Variants in NCAPD3 observed in about 807,000 individuals in gnomAD.
NCAPD3 encodes the protein non-SMC condensin II complex subunit D3.
Under a neutral mutation model 182.9 loss-of-function variants are expected in NCAPD3, and 105 were observed. The ratio of observed to expected loss-of-function variants is 0.57; its 90% CI spans 0.49 to 0.68. The LOEUF (loss-of-function observed/expected upper bound fraction) is 0.68, where lower values mean the gene tolerates loss of function less well. NCAPD3 is among the 30% of genes least tolerant of loss of function. The pLI is 0.00. For synonymous variants in NCAPD3, 815 were observed against 679.9 expected (o/e 1.20, Z -3.09); for missense variants, 1,944 against 1,837.0 (o/e 1.06, Z -1.07).
chr11:134,192,829 C>T lies in NCAPD3; in HGVS notation c.1905G>A (p.Val635=). The T allele has an allele frequency of 1.2e-6, 2 of 1,614,164 alleles. No individual in the cohort carries two copies. Among genetic ancestry groups the T allele is most frequent in the Non-Finnish European group, 1.7e-6 (2 of 1,179,974 alleles). ...VPVVMDCEST[V]QEKALEFLDQ... is the part of the protein sequence containing the mutation. Reference sequence around the variant, plus strand: ...CCAGGAACTCCAGGGCCTTCTCCTGCACAGTGCTCTCGCAGTCCATCACCA... The same window carrying T: ...CCAGGAACTCCAGGGCCTTCTCCTGTACAGTGCTCTCGCAGTCCATCACCA... The change falls in exon 16 of 35, where the codon GTG becomes GTA. Residue 635 remains valine (V), a synonymous_variant. Coordinates refer to ENST00000534548, the MANE Select transcript of NCAPD3 (RefSeq NM_015261.3).
rs74922140 is a variant in NCAPD3, at chr11:134,191,619, T to C, written c.2045+1070A>G. On this transcript the variant is annotated intron_variant, in intron 16 of 34. Transcript: ENST00000534548. ...ACTACTACCTTTCATTACATTAACA[T>C]GAATTAATACATAGAGCATGCATAA... is the stretch of plus-strand genomic sequence containing the variant. Among the ~76,000 whole-genome samples, 633 of 152,278 alleles carry C rather than the reference T, an allele frequency of 4.2e-3. 4 individuals are homozygous for C. The highest frequency in any genetic ancestry group is 0.015 in the African/African-American group (606 of 41,540).
chr11:134,184,377 G>A (rs1944354492), intron 19 of NCAPD3, among the ~76,000 whole-genome samples: 1 of 152,232 alleles, frequency 6.6e-6, no homozygotes, highest in Non-Finnish European at 1.5e-5. Flanking sequence ...ACAATCAACA[G>A]GAATGCTTAC....
intron 2 of NCAPD3, among the ~76,000 whole-genome samples, chr11:134,220,103 C>T (rs2136033720): frequency 6.6e-6 from 1 of 152,162 alleles, no homozygotes; most frequent in Non-Finnish European, 1.5e-5. Flanking sequence ...CGCAGATTTT[C>T]TTAAAGTTAA....
At chr11:134,190,857 C>T (rs184830065) in intron 16 of NCAPD3, among the ~76,000 whole-genome samples, 110 of 152,300 alleles carry the variant, frequency 7.2e-4, no homozygotes, top group African/African-American at 2.5e-3. Flanking sequence ...TTATTTTACC[C>T]TGTATGTTGA....
intron 24 of NCAPD3, among the ~76,000 whole-genome samples, chr11:134,171,270 CA>C (rs1424252735): frequency 6.6e-6 from 1 of 152,114 alleles, no homozygotes; most frequent in African/African-American, 2.4e-5. Flanking sequence ...AAGGGAAGAC[CA>C]GCTAAATCTG....
rs950481394 is a variant in NCAPD3 at position 134,152,147 on chromosome 11, T to C, written c.*797A>G. On this transcript the variant is annotated 3_prime_UTR_variant, in exon 35 of 35. Transcript: ENST00000534548. ...GTGCTAACAGAAGAGACTCAAGCTG[T>C]TCCCCCATCATGGGAGCAGCCCTTA... The C allele has an allele frequency of 6.6e-6, 1 of 152,266 alleles. No individual in the cohort carries two copies. The highest frequency in any genetic ancestry group is 2.4e-5 in the African/African-American group (1 of 41,470). The allele number at this position is 152,266 out of a possible 1,614,324, so 9.4% of individuals were successfully genotyped here.
Position 134,204,827 on chromosome 11 carries a change from AC to A in NCAPD3, c.1089+71del. 1 of 1,216,100 alleles carries A rather than the reference AC, an allele frequency of 8.2e-7. No homozygotes were observed. The highest frequency in any genetic ancestry group is 1.2e-6 in the Non-Finnish European group (1 of 839,440). The allele number at this position is 1,216,100 out of a possible 1,614,324, so 75.3% of individuals were successfully genotyped here. On this transcript the variant is annotated intron_variant, in intron 9 of 34. Coordinates refer to ENST00000534548, the MANE Select transcript of NCAPD3 (RefSeq NM_015261.3). The surrounding 1 kb of genome is among the most constrained non-coding windows in gnomAD (Gnocchi z 4.3). ...CCCAAGAACAAATACCCACACTCAC[AC>A]ACACACACACACATTTATCTTCACA...
chr11:134,212,185 A>C (rs1330476844), intron 3 of NCAPD3, among the ~76,000 whole-genome samples: 1 of 152,234 alleles, frequency 6.6e-6, no homozygotes, highest in Admixed American at 6.5e-5. Context: ...CTAAATGTTT[A>C]AAAATAAAAA....
rs1555122610 is a variant in NCAPD3, at chr11:134,151,844, T to TATCATCA, written c.*1099_*1100insTGATGAT. 1.9e-4 allele frequency: 29 copies of TATCATCA among 151,914 alleles called. No homozygotes were observed. Among genetic ancestry groups the TATCATCA allele is most frequent in the Middle Eastern group, 3.5e-3 (1 of 288 alleles). 9.4% of individuals were successfully genotyped at this position (151,914 alleles called of 1,614,324 possible). A position where few individuals can be genotyped will look rare whatever the true frequency, so the allele number is the denominator to read the frequency against. Reference sequence around the variant, plus strand: ...GGTTAGGCATGCACACTAAAAATGCTATCAATCACCCATCCACCAGGGAAG... The same window carrying TATCATCA: ...GGTTAGGCATGCACACTAAAAATGCTATCATCAATCAATCACCCATCCACCAGGGAAG... On this transcript the variant is annotated 3_prime_UTR_variant, in exon 35 of 35. Transcript: ENST00000534548.
chr11:134,153,250 C>T (rs1943312408), intron 33 of NCAPD3, 39 bp downstream of exon 33: 1 of 1,613,748 alleles, frequency 6.2e-7, no homozygotes, highest in Non-Finnish European at 8.5e-7. Context: ...ACCTCAAAGG[C>T]AGTGCATCTA....
At chr11:134,165,960 G>A (rs1301489399) in intron 27 of NCAPD3, among the ~76,000 whole-genome samples, 4 of 130,322 alleles carry the variant, frequency 3.1e-5, no homozygotes, top group African/African-American at 1.2e-4. Context: ...ATGAGCTTGG[G>A]GGAGGGGCAC....
At chr11:134,166,877 G>A (rs1472529645) in intron 27 of NCAPD3, among the ~76,000 whole-genome samples, 1 of 119,054 alleles carries the variant, frequency 8.4e-6, no homozygotes, top group East Asian at 3.0e-4. Flanking sequence ...TAGGGGAGGC[G>A]CACACTCACT....
chr11:134,163,287 G>A (rs1171312187), intron 27 of NCAPD3, among the ~76,000 whole-genome samples: 4 of 152,066 alleles, frequency 2.6e-5, no homozygotes, highest in African/African-American at 9.7e-5. Context: ...AGTCTATATG[G>A]AATAACCAGC....
At chr11:134,178,609 C>T (rs1175430146) in intron 22 of NCAPD3, 25 bp downstream of exon 22, 10 of 1,489,294 alleles carry the variant, frequency 6.7e-6, no homozygotes, top group Admixed American at 4.1e-5. Context: ...CGATGTCAAG[C>T]CCCATTCTCC....
chr11:134,161,850 GATA>G lies in NCAPD3; in HGVS notation c.3612_3614del (p.Ile1206del). 6.3e-7 allele frequency: 1 copy of G among 1,585,104 alleles called. No individual in the cohort carries two copies. The highest frequency in any genetic ancestry group is 1.1e-5 in the South Asian group (1 of 88,608). The stretch of plus-strand genomic sequence containing the variant: ...TCTCCAGCACAGTCTTCAGGGAGAT[GATA>G]ATTGGAATAATATTTTCTATGAAAT... On this transcript the variant is annotated inframe_deletion, in exon 28 of 35. Coordinates refer to ENST00000534548, the MANE Select transcript of NCAPD3 (RefSeq NM_015261.3).
At chr11:134,199,830 C>A (rs945017925) in intron 13 of NCAPD3, among the ~76,000 whole-genome samples, 1 of 152,148 alleles carries the variant, frequency 6.6e-6, no homozygotes, top group Non-Finnish European at 1.5e-5. Flanking sequence ...CCCTCTCCTA[C>A]GCTAGAACGC....
At position 134,210,318 on chromosome 11, in the gene NCAPD3, G is replaced by A. The variant is rs149186393; in HGVS notation, c.519C>T (p.Pro173=). 99 of 1,613,972 alleles carry A rather than the reference G, an allele frequency of 6.1e-5. 1 individual carries two copies. The African/African-American group carries it at 6.9e-4, about 11-fold the overall frequency. The change falls in exon 4 of 35, where the codon CCC becomes CCT. Residue 173 remains proline, a synonymous_variant. Transcript: ENST00000534548. The part of the protein sequence containing the change: ...KEQPKSSQAN[P]GRHRKRGKPP... ...GCTTTCCCCTTTTTCTATGCCTCCC[G>A]GGGTTAGCCTGAGAGCTCTTAGGCT...
chr11:134,220,744 G>C lies in NCAPD3; in HGVS notation c.65-18C>G, dbSNP rs374613513. The C allele has an allele frequency of 4.4e-6, 7 of 1,608,086 alleles. No individual in the cohort carries two copies. Among genetic ancestry groups the C allele is most frequent in the African/African-American group, 1.3e-5 (1 of 74,838 alleles). ...AACCCATTCTAGGGGAAAATGCAAT[G>C]AAATGTGTAAGTACTCTGTAACAAG... On this transcript the variant is annotated intron_variant, in intron 1 of 34. Coordinates refer to ENST00000534548, the MANE Select transcript of NCAPD3 (RefSeq NM_015261.3).
chr11:134,154,431 C>T (rs895468521), intron 32 of NCAPD3, among the ~76,000 whole-genome samples: 4 of 151,390 alleles, frequency 2.6e-5, no homozygotes, highest in Admixed American at 6.6e-5. Flanking sequence ...CACCCTCCTG[C>T]GTCCTCTTCC....
Sources: gnomAD v4.1 joint callset for allele counts (sites outside exome capture counted in the v4.1 genomes callset) on GRCh38, gnomAD v4.1.1 for gene constraint, Gnocchi (gnomAD v3.1) non-coding constraint, MANE v1.5 for transcripts, NCBI Gene and HGNC (gene_info 2026-07-23, HGNC 2026-07-21) for gene names.